The following CNNM1 variants were observed in gnomAD, a reference collection of about 807,000 sequenced individuals.
CNNM1 encodes the protein cyclin and CBS domain divalent metal cation transport mediator 1, also known as metal transporter CNNM1.
Under a neutral mutation model 78.8 loss-of-function variants are expected in CNNM1, and 44 were observed. The ratio of observed to expected loss-of-function variants is 0.56; its 90% CI spans 0.44 to 0.72. The LOEUF (loss-of-function observed/expected upper bound fraction) is 0.72, where lower values mean the gene tolerates loss of function less well. Among genes scored for constraint, CNNM1 ranks in the 30% least tolerant of loss-of-function variants. CNNM1 has a pLI of 0.00. For missense variants in CNNM1, 1,101 were observed against 1,292.2 expected (o/e 0.85, Z 2.27); for synonymous variants, 584 against 581.5 (o/e 1.00, Z -0.06).
At position 99,364,968 on chromosome 10, in the gene CNNM1, G is replaced by C. The variant is rs2134054397; in HGVS notation, c.2142G>C (p.Arg714=). ...TTCTGTCCTTAGATAATGACGTGCGGAAGGTTGGAAGTCTGGCTGGATCTT... is the reference window on the plus strand; with the variant it reads ...TTCTGTCCTTAGATAATGACGTGCGCAAGGTTGGAAGTCTGGCTGGATCTT... The part of the protein sequence containing the change: ...MTTACSDNDV[R]KVGSLAGSSV... Residue 714 remains arginine, a synonymous_variant, in exon 6 of 11, where the codon CGG becomes CGC. Coordinates refer to ENST00000356713, the MANE Select transcript of CNNM1 (RefSeq NM_020348.3). 1 of 1,613,932 alleles carries C rather than the reference G, an allele frequency of 6.2e-7. No homozygotes were observed. Among genetic ancestry groups the C allele is most frequent in the East Asian group, 2.2e-5 (1 of 44,856 alleles).
At chr10:99,365,260 G>A (rs1368441981) in intron 6 of CNNM1, 2 of 590,004 alleles carry the variant, frequency 3.4e-6, no homozygotes, top group Non-Finnish European at 6.1e-6. Context: ...TGTGAGGGAA[G>A]GCACTGCTTA....
rs754407367 is a variant in CNNM1 at position 99,330,692 on chromosome 10, C to A, written c.1305C>A (p.Pro435=). The A allele has an allele frequency of 6.2e-6, 10 of 1,614,004 alleles. No homozygotes were observed. Among genetic ancestry groups the A allele is most frequent in the Non-Finnish European group, 7.6e-6 (9 of 1,179,878 alleles). Residue 435 remains proline (P), a synonymous_variant, in exon 1 of 11, where the codon CCC becomes CCA. Transcript: ENST00000356713. ...RTKVVEEVLT[P]LGDCFMLRSD... The stretch of plus-strand genomic sequence containing the variant: ...AAGTTGTGGAGGAGGTGCTGACCCC[C>A]CTGGGAGACTGCTTCATGCTGCGCT...
chr10:99,357,255 C>T lies in CNNM1; in HGVS notation c.1574-257C>T, dbSNP rs141109530. On this transcript the variant is annotated intron_variant, in intron 1 of 10. Transcript: ENST00000356713. ...ATATACTTGCTAATATGTAAAAGTT[C>T]AAAGAAAAAAAACTAACTGGTTTTG... is the stretch of plus-strand genomic sequence containing the variant. Among the ~76,000 whole-genome samples the T allele has an allele frequency of 1.8e-3, 269 of 151,672 alleles. 2 individuals carry two copies. The highest frequency in any genetic ancestry group is 6.3e-3 in the African/African-American group (259 of 41,354).
chr10:99,371,181 G>C (rs1265800356), intron 6 of CNNM1, among the ~76,000 whole-genome samples: 1 of 152,164 alleles, frequency 6.6e-6, no homozygotes, highest in African/African-American at 2.4e-5. Flanking sequence ...ATTGAGGCTA[G>C]GGGTCTCTGC....
Position 99,393,374 on chromosome 10 carries a change from C to T in CNNM1, c.*1858C>T, listed in dbSNP as rs1372922673. On this transcript the variant is annotated 3_prime_UTR_variant, in exon 11 of 11. Transcript: ENST00000356713. ...CTTGGGGTCCATCACCCCAGGGGGT[C>T]CATAGTTGGACTTCAGAGGGTCTAT... 2.6e-5 allele frequency: 4 copies of T among 152,530 alleles called. No homozygotes were observed. Among genetic ancestry groups the T allele is most frequent in the Non-Finnish European group, 4.4e-5 (3 of 68,026 alleles). 9.4% of individuals were successfully genotyped at this position (152,530 alleles called of 1,614,324 possible). A position where few individuals can be genotyped will look rare whatever the true frequency, so the allele number is the denominator to read the frequency against.
chr10:99,356,604 G>GAAAGAAAGAAAGAAAGAAAGAA (rs1469805680), intron 1 of CNNM1, among the ~76,000 whole-genome samples: 1 of 64,698 alleles, frequency 1.5e-5, no homozygotes, highest in Non-Finnish European at 4.3e-5. Flanking sequence ...AAGAAAGAAA[G>GAAAGAAAGAAAGAAAGAAAGAA]AAAAGAAAGA....
rs1850566789 is a variant in CNNM1 at position 99,330,004 on chromosome 10, G to T, written c.617G>T (p.Arg206Leu). 3 of 1,407,960 alleles carry T rather than the reference G, an allele frequency of 2.1e-6. No homozygotes were observed. Among genetic ancestry groups the T allele is most frequent in the Non-Finnish European group, 2.7e-6 (3 of 1,093,402 alleles). The allele number at this position is 1,407,960 out of a possible 1,614,324, so 87.2% of individuals were successfully genotyped here. A position where few individuals can be genotyped will look rare whatever the true frequency, so the allele number is the denominator to read the frequency against. Residue 206 changes from arginine (R) to leucine (L), a missense_variant, in exon 1 of 11, where the codon CGC becomes CTC. Physicochemically the swap from Arg to Leu is moderately radical, Grantham distance 102. Transcript: ENST00000356713. ...HHGAAGGFLL[R>L]VRPRLYGPGG... Reference sequence around the variant, plus strand: ...GGCGCCGCCGGCGGCTTCCTGCTGCGCGTTCGCCCGCGGTTGTACGGCCCA... The same window carrying T: ...GGCGCCGCCGGCGGCTTCCTGCTGCTCGTTCGCCCGCGGTTGTACGGCCCA...
Position 99,329,752 on chromosome 10 carries a change from C to T in CNNM1, c.365C>T (p.Ala122Val). ...PPGGGGVAPS[A>V]VPTRPPGPQR... is the part of the protein sequence containing the mutation. ...GGCGGTGGCGGCGTGGCCCCCAGCG[C>T]GGTCCCCACTCGCCCCCCGGGACCG... The change falls in exon 1 of 11, where the codon GCG (alanine) becomes GTG (valine). Residue 122 changes from alanine (A) to valine (V), a missense_variant. Physicochemically the swap from Ala to Val is moderately conservative, Grantham distance 64. This residue lies in a region of CNNM1 where 476 missense variants were observed against 484.5 expected (regional missense o/e 0.98). Transcript: ENST00000356713. 1 of 1,501,840 alleles carries T rather than the reference C, an allele frequency of 6.7e-7. No individual in the cohort carries two copies. The highest frequency in any genetic ancestry group is 8.8e-7 in the Non-Finnish European group (1 of 1,134,664). The allele number at this position is 1,501,840 out of a possible 1,614,324, so 93.0% of individuals were successfully genotyped here.
chr10:99,389,342 G>T (rs920965527), intron 9 of CNNM1, among the ~76,000 whole-genome samples: 13 of 150,272 alleles, frequency 8.7e-5, no homozygotes. Flanking sequence ...GCTTGAACCT[G>T]GGAAGCTGAG....
At chr10:99,388,818 T>C (rs2032384334) in intron 9 of CNNM1, among the ~76,000 whole-genome samples, 1 of 152,200 alleles carries the variant, frequency 6.6e-6, no homozygotes, top group Admixed American at 6.5e-5. Context: ...TCATTCTAAC[T>C]AGCTGTGGTT....
intron 1 of CNNM1, among the ~76,000 whole-genome samples, chr10:99,340,771 CTT>C (rs911126464): frequency 1.1e-4 from 15 of 141,092 alleles, no homozygotes; most frequent in African/African-American, 3.6e-4. Context: ...TTCTCTCTCT[CTT>C]TCCTTCTTTC....
Position 99,371,890 on chromosome 10 carries a change from G to A in CNNM1, c.2177-5165G>A, listed in dbSNP as rs367635713. 8.5e-5 allele frequency among the ~76,000 whole-genome samples: 13 copies of A among 152,166 alleles called. No homozygotes were observed. In the South Asian group the frequency reaches 1.7e-3, roughly 19 times the overall value. ...ATTTTGGAGAACAGAGATGGCCCAC[G>A]GCACAATCACAGTCAGACCAAAGTA... is the stretch of plus-strand genomic sequence containing the variant. On this transcript the variant is annotated intron_variant, in intron 6 of 10. Transcript: ENST00000356713.
At chr10:99,338,293 G>A (rs1368276300) in intron 1 of CNNM1, among the ~76,000 whole-genome samples, 2 of 136,822 alleles carry the variant, frequency 1.5e-5, no homozygotes, top group Admixed American at 7.0e-5. Context: ...TGACTAGGTG[G>A]CATTTTTTTT....
intron 7 of CNNM1, 36 bp downstream of exon 7, chr10:99,377,254 G>A (rs374327373): frequency 1.3e-5 from 21 of 1,603,244 alleles, no homozygotes; most frequent in Non-Finnish European, 1.5e-5. Flanking sequence ...CTCCCTCCCA[G>A]TGGGCAGTGT....
chr10:99,338,603 A>C (rs2030302873), intron 1 of CNNM1, among the ~76,000 whole-genome samples: 1 of 152,090 alleles, frequency 6.6e-6, no homozygotes, highest in African/African-American at 2.4e-5. Flanking sequence ...TAAATTTTTT[A>C]CTGAAGTTTA....
intron 1 of CNNM1, among the ~76,000 whole-genome samples, chr10:99,348,574 A>G (rs2030805988): frequency 6.6e-6 from 1 of 152,210 alleles, no homozygotes; most frequent in South Asian, 2.1e-4. Context: ...ACATAAAGGA[A>G]AGATAAAAGA....
At chr10:99,368,492 A>G in intron 6 of CNNM1, 3 of 431,004 alleles carry the variant, frequency 7.0e-6, no homozygotes, top group Non-Finnish European at 1.3e-5. Flanking sequence ...TCCTTTTTGC[A>G]GAGAAATGTG....
In CNNM1 at chr10:99,387,976, C is replaced by T; in HGVS notation, c.2497C>T (p.Leu833Phe). The T allele has an allele frequency of 6.3e-7, 1 of 1,597,654 alleles. No homozygotes were observed. Among genetic ancestry groups the T allele is most frequent in the African/African-American group, 1.3e-5 (1 of 74,706 alleles). The change falls in exon 8 of 11, where the codon CTC (leucine) becomes TTC (phenylalanine). Residue 833 changes from leucine (L) to phenylalanine (F), a missense_variant. This residue lies in a region of CNNM1 where 348 missense variants were observed against 384.5 expected (regional missense o/e 0.90). Transcript: ENST00000356713. ...CCCTAAGGATGACCCCGCCATCACG[C>T]TCCTCAACAACAGGAACAGCCTGCC... Reference protein sequence around the residue: ...QTPKDDPAITLLNNRNSLPCS... With the variant: ...QTPKDDPAITFLNNRNSLPCS...
At position 99,364,966 on chromosome 10, in the gene CNNM1, C is replaced by T. The variant is rs756965194; in HGVS notation, c.2140C>T (p.Arg714Trp). ...MTTACSDNDV[R>W]KVGSLAGSSV... is the part of the protein sequence containing the mutation. ...GCTTCTGTCCTTAGATAATGACGTGCGGAAGGTTGGAAGTCTGGCTGGATC... is the reference window on the plus strand; with the variant it reads ...GCTTCTGTCCTTAGATAATGACGTGTGGAAGGTTGGAAGTCTGGCTGGATC... Residue 714 changes from arginine (R) to tryptophan (W), a missense_variant, in exon 6 of 11, where the codon CGG becomes TGG. This residue lies in a region of CNNM1 where 348 missense variants were observed against 384.5 expected (regional missense o/e 0.90). Coordinates refer to ENST00000356713, the MANE Select transcript of CNNM1 (RefSeq NM_020348.3). 24 of 1,613,636 alleles carry T rather than the reference C, an allele frequency of 1.5e-5. No homozygotes were observed. The highest frequency in any genetic ancestry group is 5.0e-5 in the Admixed American group (3 of 59,966).
Sources: allele counts gnomAD v4.1 joint callset (sites outside exome capture counted in the v4.1 genomes callset), GRCh38; gene constraint gnomAD v4.1.1; regional missense constraint gnomAD v4.1.1; transcripts MANE v1.5; gene names NCBI Gene and HGNC (gene_info 2026-07-23, HGNC 2026-07-21).